The following SNTG2 variants were observed in gnomAD, a reference collection of about 807,000 sequenced individuals.
SNTG2 encodes the protein syntrophin gamma 2.
Under a neutral mutation model 70.9 loss-of-function variants are expected in SNTG2, and 74 were observed. That is an observed-to-expected ratio of 1.04 (90% CI 0.86 to 1.27). The LOEUF (loss-of-function observed/expected upper bound fraction) is 1.27, where lower values mean the gene tolerates loss of function less well. SNTG2 is among the 50% of genes most tolerant of loss of function. The pLI is 0.00. For missense variants in SNTG2, 717 were observed against 690.7 expected (o/e 1.04, Z -0.43); for synonymous variants, 278 against 273.8 (o/e 1.02, Z -0.15).
chr2:1,308,113 A>G (rs1466404122), intron 14 of SNTG2, among the ~76,000 whole-genome samples: 1 of 152,198 alleles, frequency 6.6e-6, no homozygotes, highest in Non-Finnish European at 1.5e-5. Flanking sequence ...CATGCAAAGA[A>G]AAGTGAACAT....
chr2:1,192,728 C>G (rs1359623819), intron 8 of SNTG2, among the ~76,000 whole-genome samples: 2 of 152,138 alleles, frequency 1.3e-5, no homozygotes, highest in Non-Finnish European at 2.9e-5. Context: ...TCGGACTCAT[C>G]TGATCACACC....
intron 4 of SNTG2, among the ~76,000 whole-genome samples, chr2:1,105,491 C>CACGT (rs1432965678): frequency 6.6e-6 from 1 of 152,168 alleles, no homozygotes; most frequent in African/African-American, 2.4e-5. Flanking sequence ...AGGAACCACA[C>CACGT]ACGTACGTGC....
At chr2:1,254,622 C>G (rs1044121214) in intron 12 of SNTG2, among the ~76,000 whole-genome samples, 1 of 152,150 alleles carries the variant, frequency 6.6e-6, no homozygotes, top group Non-Finnish European at 1.5e-5. Flanking sequence ...CTATATTGTT[C>G]TGGGGCCACA....
intron 16 of SNTG2, 46 bp from the exon 17 acceptor site, chr2:1,367,297 T>G (rs1440964002): frequency 6.7e-7 from 1 of 1,485,996 alleles, no homozygotes; most frequent in Non-Finnish European, 9.0e-7. Context: ...TGTAACGTGT[T>G]CTTCCAACAA....
At chr2:1,165,687 C>A in intron 7 of SNTG2, 52 bp downstream of exon 7, 1 of 1,449,210 alleles carries the variant, frequency 6.9e-7, no homozygotes, top group Non-Finnish European at 9.6e-7. Flanking sequence ...CCTTTCTTGC[C>A]ACATTATTTA....
intron 11 of SNTG2, among the ~76,000 whole-genome samples, chr2:1,244,090 T>G (rs1572849035): frequency 6.6e-6 from 1 of 152,286 alleles, no homozygotes; most frequent in East Asian, 1.9e-4. Flanking sequence ...GAGTTTGCCC[T>G]GCAGGCAAAA....
intron 1 of SNTG2, among the ~76,000 whole-genome samples, chr2:1,069,588 C>A (rs955738183): frequency 1.3e-5 from 2 of 151,602 alleles, no homozygotes; most frequent in Non-Finnish European, 2.9e-5. Flanking sequence ...GTCAAGAGAT[C>A]GAGATCATCC....
At chr2:1,168,646 C>T (rs373305934) in intron 7 of SNTG2, among the ~76,000 whole-genome samples, 2 of 152,200 alleles carry the variant, frequency 1.3e-5, no homozygotes, top group Non-Finnish European at 2.9e-5. Context: ...TTTTTCCCAT[C>T]GATCACAGCA....
intron 12 of SNTG2, among the ~76,000 whole-genome samples, chr2:1,252,392 T>C (rs1474485850): frequency 6.6e-6 from 1 of 152,204 alleles, no homozygotes; most frequent in Non-Finnish European, 1.5e-5. Context: ...AAAATGAGAA[T>C]AGAGGACTGT....
At chr2:1,192,542 A>C (rs1672659408) in intron 8 of SNTG2, among the ~76,000 whole-genome samples, 1 of 152,134 alleles carries the variant, frequency 6.6e-6, no homozygotes, top group Non-Finnish European at 1.5e-5. Flanking sequence ...TAATTTTTTA[A>C]TTTTAGAAAA....
At chr2:1,092,587 T>G (rs930742036) in intron 2 of SNTG2, among the ~76,000 whole-genome samples, 3 of 152,204 alleles carry the variant, frequency 2.0e-5, no homozygotes, top group Non-Finnish European at 4.4e-5. Flanking sequence ...AAATTTAAAT[T>G]TAGTGTTAAG....
chr2:1,276,135 A>G (rs1277857722), intron 14 of SNTG2, among the ~76,000 whole-genome samples: 2 of 152,260 alleles, frequency 1.3e-5, no homozygotes, highest in Non-Finnish European at 2.9e-5. Flanking sequence ...GTGCAAAGTG[A>G]AGCAGCAAGT....
chr2:1,222,507 CGTCTCCCTGTCCTGCCTGCTGCTGG>C (rs1558555591), intron 9 of SNTG2, among the ~76,000 whole-genome samples: 3 of 133,926 alleles, frequency 2.2e-5, no homozygotes, highest in East Asian at 2.3e-4. Context: ...TGATGGAGGG[CGTCTCCCTGTCCTGCCTGCTGCTGG>C]AGGTGCTGGA....
intron 16 of SNTG2, among the ~76,000 whole-genome samples, chr2:1,346,947 C>T (rs1660319960): frequency 6.6e-6 from 1 of 152,106 alleles, no homozygotes; most frequent in African/African-American, 2.4e-5. Flanking sequence ...TCATCTGCAT[C>T]CACCACGTCA....
intron 1 of SNTG2, among the ~76,000 whole-genome samples, chr2:1,001,886 A>G (rs551262323): frequency 2.0e-5 from 3 of 152,250 alleles, no homozygotes; most frequent in South Asian, 4.1e-4. Flanking sequence ...TATATTAACC[A>G]AAAGAGCATG....
intron 13 of SNTG2, 40 bp downstream of exon 13, chr2:1,259,481 A>C: frequency 6.5e-7 from 1 of 1,532,170 alleles, no homozygotes; most frequent in African/African-American, 1.4e-5. Context: ...CATACAAATA[A>C]GATGCCCTTT....
At chr2:952,577 T>C (rs1660012071) in intron 1 of SNTG2, among the ~76,000 whole-genome samples, 1 of 152,218 alleles carries the variant, frequency 6.6e-6, no homozygotes, top group African/African-American at 2.4e-5. Context: ...TGCTCACCTG[T>C]TTGCTACAAG....
chr2:1,148,100 C>G (rs1215099592), intron 6 of SNTG2, among the ~76,000 whole-genome samples: 1 of 152,178 alleles, frequency 6.6e-6, no homozygotes, highest in Non-Finnish European at 1.5e-5. Context: ...GAGCAGTACT[C>G]ACTGCTGGAA....
intron 16 of SNTG2, among the ~76,000 whole-genome samples, chr2:1,340,055 A>C (rs1660007291): frequency 6.6e-6 from 1 of 152,238 alleles, no homozygotes; most frequent in Non-Finnish European, 1.5e-5. Flanking sequence ...AGAGGCACCG[A>C]GGCACTCGCC....
Sources: gnomAD v4.1 joint callset for allele counts (sites outside exome capture counted in the v4.1 genomes callset) on GRCh38, gnomAD v4.1.1 for gene constraint, MANE v1.5 for transcripts, NCBI Gene and HGNC (gene_info 2026-07-23, HGNC 2026-07-21) for gene names.